Variants in COL4A1 observed in about 807,000 individuals in gnomAD.
The protein encoded by COL4A1 is collagen alpha-1(IV) chain.
COL4A1 carries 40 observed loss-of-function variants against 216.6 expected under a neutral mutation model. The ratio of observed to expected loss-of-function variants is 0.18; its 90% CI spans 0.14 to 0.24. The LOEUF is 0.24. Among genes scored for constraint, COL4A1 ranks in the 10% least tolerant of loss-of-function variants. COL4A1 has a pLI of 1.00. For missense variants in COL4A1, 1,628 were observed against 2,196.8 expected, an observed-to-expected ratio of 0.74 and a Z score of 5.18; for synonymous variants, 839 against 810.7, an observed-to-expected ratio of 1.03 and a Z score of -0.59.
At chr13:110,273,002 G>A (rs1354967985) in intron 1 of COL4A1, among the ~76,000 whole-genome samples, 2 of 152,138 alleles carry the variant, frequency 1.3e-5, no homozygotes, top group Admixed American at 1.3e-4. Context: ...TTCCTTCCAG[G>A]GAAATAAATG....
intron 15 of COL4A1, 40 bp from the exon 16 acceptor site, chr13:110,205,578 A>G (rs1236544324): frequency 6.2e-7 from 1 of 1,607,584 alleles, no homozygotes; most frequent in Non-Finnish European, 8.5e-7. Flanking sequence ...TTAATAAATA[A>G]TAGACTGCGC....
chr13:110,282,025 T>C (rs1456001244), intron 1 of COL4A1, among the ~76,000 whole-genome samples: 2 of 152,230 alleles, frequency 1.3e-5, no homozygotes, highest in Non-Finnish European at 2.9e-5. Context: ...CTTACCATTA[T>C]CCACCTAGTC....
intron 26 of COL4A1, among the ~76,000 whole-genome samples, chr13:110,183,807 C>G (rs1259879807): frequency 6.6e-6 from 1 of 152,238 alleles, no homozygotes; most frequent in Non-Finnish European, 1.5e-5. Flanking sequence ...GCAACACAGG[C>G]AAAACCATCC....
intron 29 of COL4A1, 85 bp downstream of exon 29, chr13:110,181,207 G>A: frequency 7.6e-7 from 1 of 1,321,728 alleles, no homozygotes; most frequent in Non-Finnish European, 1.1e-6. Context: ...AACATGTCCT[G>A]GGACGTTCAC....
chr13:110,168,020 T>C lies in COL4A1; in HGVS notation c.3877-790A>G, dbSNP rs1325692264. Reference sequence around the variant, plus strand: ...ACCAGGAATGGGGTGTATTTCTTTTTCTTCCTCTTTTTTTTTTGAGACAGA... The same window carrying C: ...ACCAGGAATGGGGTGTATTTCTTTTCCTTCCTCTTTTTTTTTTGAGACAGA... On this transcript the variant is annotated intron_variant, in intron 43 of 51. Coordinates refer to ENST00000375820, the MANE Select transcript of COL4A1 (RefSeq NM_001845.6). 3.9e-5 allele frequency among the ~76,000 whole-genome samples: 5 copies of C among 126,792 alleles called. No individual in the cohort carries two copies. The East Asian group carries it at 1.0e-3, about 26-fold the overall frequency. 83.2% of individuals were successfully genotyped at this position (126,792 alleles called of 152,430 possible). A position where few individuals can be genotyped will look rare whatever the true frequency, so the allele number is the denominator to read the frequency against.
intron 1 of COL4A1, among the ~76,000 whole-genome samples, chr13:110,299,292 C>G (rs1240732576): frequency 6.6e-6 from 1 of 152,210 alleles, no homozygotes; most frequent in Non-Finnish European, 1.5e-5. Context: ...CGGCATACCC[C>G]ACACCTCCAA....
intron 49 of COL4A1, among the ~76,000 whole-genome samples, chr13:110,159,541 G>A (rs1471866753): frequency 1.3e-5 from 2 of 152,190 alleles, no homozygotes; most frequent in Admixed American, 6.5e-5. Context: ...AAACAGCATG[G>A]AGGTTTCTCA....
At chr13:110,221,734 C>T (rs924689518) in intron 2 of COL4A1, among the ~76,000 whole-genome samples, 1 of 152,120 alleles carries the variant, frequency 6.6e-6, no homozygotes. Context: ...GTCCAAAATG[C>T]TCTCATTAAT....
Position 110,192,884 on chromosome 13 carries a change from C to A in COL4A1, c.1411G>T (p.Asp471Tyr). The change falls in exon 23 of 52, where the codon GAT becomes TAT. Residue 471 changes from aspartate to tyrosine, a missense_variant. Around this residue, in one of 8 missense-constraint regions of COL4A1, gnomAD observed 701 missense variants for 892.5 expected, o/e 0.79. Coordinates refer to ENST00000375820, the MANE Select transcript of COL4A1 (RefSeq NM_001845.6). ...GQKGESCLIC[D>Y]IDGYRGPPGP... ...GGAGGCCCCCGATATCCGTCTATAT[C>A]ACAGATGAGGCAACTCTCTCCTTTT... The A allele has an allele frequency of 7.4e-6, 12 of 1,614,170 alleles. No homozygotes were observed. The highest frequency in any genetic ancestry group is 1.0e-5 in the Non-Finnish European group (12 of 1,180,010).
chr13:110,293,242 G>A (rs1398347507), intron 1 of COL4A1, among the ~76,000 whole-genome samples: 5 of 152,196 alleles, frequency 3.3e-5, no homozygotes. Flanking sequence ...GGCACCTAGA[G>A]AAGTGTTTCT....
intron 1 of COL4A1, chr13:110,298,498 A>G (rs1884363581): frequency 6.6e-6 from 1 of 152,178 alleles, no homozygotes; most frequent in South Asian, 2.1e-4. Context: ...CATTCCGTGG[A>G]TGGTATTTTC....
chr13:110,272,504 G>A (rs563320287), intron 1 of COL4A1, among the ~76,000 whole-genome samples: 25 of 152,198 alleles, frequency 1.6e-4, no homozygotes, highest in South Asian at 4.2e-4. Context: ...ACCTGTGGGC[G>A]TGGCAGGTGG....
At chr13:110,243,917 T>C (rs950512905) in intron 1 of COL4A1, among the ~76,000 whole-genome samples, 4 of 152,224 alleles carry the variant, frequency 2.6e-5, no homozygotes, top group Admixed American at 6.5e-5. Context: ...CATGAAAAGA[T>C]AGAAATACGT....
rs376880547 is a variant in COL4A1, at chr13:110,175,374, T to C, written c.3059-17A>G. 13 of 1,613,946 alleles carry C rather than the reference T, an allele frequency of 8.1e-6. No homozygotes were observed. In the African/African-American group the frequency reaches 1.2e-4, roughly 15 times the overall value. On this transcript the variant is annotated splice_polypyrimidine_tract_variant and intron_variant, in intron 36 of 51. Transcript: ENST00000375820. ...CAGGTGTTCCTATAAACACAAACAATTGAAACTTGATTTGGGCTTAGCTAG... is the reference window on the plus strand; with the variant it reads ...CAGGTGTTCCTATAAACACAAACAACTGAAACTTGATTTGGGCTTAGCTAG...
At chr13:110,200,690 C>G (rs1385281986) in intron 20 of COL4A1, among the ~76,000 whole-genome samples, 164 bp downstream of exon 20, 4 of 152,192 alleles carry the variant, frequency 2.6e-5, no homozygotes, top group Non-Finnish European at 4.4e-5. Flanking sequence ...AGATACTTAT[C>G]TACAAGCACT....
At chr13:110,184,706 T>G (rs142888859) in intron 26 of COL4A1, among the ~76,000 whole-genome samples, 6,004 of 143,666 alleles carry the variant, frequency 0.042, 147 homozygotes, top group African/African-American at 0.059. Context: ...GTGTGTGTTT[T>G]GTTTGTTTGT....
Position 110,187,034 on chromosome 13 carries a change from T to G in COL4A1, c.1728+104A>C, listed in dbSNP as rs1468195899. The G allele has an allele frequency of 4.2e-6, 6 of 1,416,756 alleles. No homozygotes were observed. The Admixed American group carries it at 1.0e-4, about 24-fold the overall frequency. The allele number at this position is 1,416,756 out of a possible 1,614,324, so 87.8% of individuals were successfully genotyped here. Reference sequence around the variant, plus strand: ...TGAAACAAGTTCATTTGTGCCATCATCAAGGAGATAGAAATACATCAATAT... The same window carrying G: ...TGAAACAAGTTCATTTGTGCCATCAGCAAGGAGATAGAAATACATCAATAT... On this transcript the variant is annotated intron_variant, in intron 25 of 51. Transcript: ENST00000375820.
At chr13:110,251,156 G>A (rs527771804) in intron 1 of COL4A1, among the ~76,000 whole-genome samples, 3 of 152,342 alleles carry the variant, frequency 2.0e-5, no homozygotes, top group South Asian at 2.1e-4. Flanking sequence ...AGAACTGTGC[G>A]GCTCCCGGCT....
chr13:110,206,220 T>G (rs1879507634), intron 15 of COL4A1, among the ~76,000 whole-genome samples: 1 of 152,232 alleles, frequency 6.6e-6, no homozygotes, highest in South Asian at 2.1e-4. Context: ...TCCTTCCAGG[T>G]AGAAACCAGA....
Sources: gnomAD v4.1 joint callset for allele counts (sites outside exome capture counted in the v4.1 genomes callset) on GRCh38, gnomAD v4.1.1 for gene constraint, gnomAD v4.1.1 regional missense constraint, MANE v1.5 for transcripts, NCBI Gene and HGNC (gene_info 2026-07-23, HGNC 2026-07-21) for gene names.